Variants in TNFRSF1B observed in about 807,000 individuals in gnomAD.
TNFRSF1B encodes TNF receptor superfamily member 1B.
Under a neutral mutation model 44.6 loss-of-function variants are expected in TNFRSF1B, and 19 were observed. That is an observed-to-expected ratio of 0.43 (90% confidence interval 0.30 to 0.62). The LOEUF is 0.62. Among genes scored for constraint, TNFRSF1B ranks in the 20% least tolerant of loss-of-function variants. The pLI, the probability that TNFRSF1B is intolerant of heterozygous loss-of-function variation, is 0.16. For synonymous variants in TNFRSF1B, 252 were observed against 261.1 expected (o/e 0.97, Z 0.34); for missense variants, 541 against 619.9 (o/e 0.87, Z 1.35).
chr1:12,201,535 G>A (rs1326970953), intron 8 of TNFRSF1B, among the ~76,000 whole-genome samples: 2 of 151,908 alleles, frequency 1.3e-5, no homozygotes, highest in Non-Finnish European at 2.9e-5. Context: ...GCAAGTGAGT[G>A]GTAGAGTCAT....
rs1638443169 is a variant in TNFRSF1B, at chr1:12,168,427, G to A, written c.78+1258G>A. Among the ~76,000 whole-genome samples, 1 of 152,190 alleles carries A rather than the reference G, an allele frequency of 6.6e-6. No homozygotes were observed. Among genetic ancestry groups the A allele is most frequent in the South Asian group, 2.1e-4 (1 of 4,834 alleles). On this transcript the variant is annotated intron_variant, in intron 1 of 9. Transcript: ENST00000376259. This position sits in a 1 kb window ranked among gnomAD's most constrained non-coding sequence, Gnocchi z 4.7. ...GTCCTGGAGAACTGCCCCAGAGTAA[G>A]TCCTGGGTGGCCTTTGGGTCAGGAG...
intron 1 of TNFRSF1B, among the ~76,000 whole-genome samples, chr1:12,181,846 C>T (rs1323244450): frequency 6.6e-6 from 1 of 152,216 alleles, no homozygotes; most frequent in Non-Finnish European, 1.5e-5. Context: ...TGTTTCTCCA[C>T]CTCTCATGTG....
intron 8 of TNFRSF1B, among the ~76,000 whole-genome samples, chr1:12,194,824 G>A (rs1639231375): frequency 6.6e-6 from 1 of 152,242 alleles, no homozygotes; most frequent in South Asian, 2.1e-4. Flanking sequence ...CTCCGGCAGA[G>A]AGCAGATGCC....
rs531563716 is a variant in TNFRSF1B, at chr1:12,202,308, C to T, written c.1105+137C>T. The stretch of plus-strand genomic sequence containing the variant: ...GAGCCACAGGGAACTTCCTTCGGTT[C>T]GCTGAACCTAAGTTCCCTCCCGCCT... On this transcript the variant is annotated intron_variant, in intron 9 of 9. Coordinates refer to ENST00000376259, the MANE Select transcript of TNFRSF1B (RefSeq NM_001066.3). 38 of 1,362,240 alleles carry T rather than the reference C, an allele frequency of 2.8e-5. No individual in the cohort carries two copies. In the South Asian group the frequency reaches 4.0e-4, roughly 14 times the overall value. 84.4% of individuals were successfully genotyped at this position (1,362,240 alleles called of 1,614,324 possible).
intron 4 of TNFRSF1B, 135 bp downstream of exon 4, chr1:12,192,058 C>T: frequency 1.6e-6 from 2 of 1,225,806 alleles, no homozygotes; most frequent in South Asian, 3.0e-5. Flanking sequence ...TGCCTGCTAC[C>T]CATCCGTCTG....
At chr1:12,205,136 T>C (rs12027816) in intron 9 of TNFRSF1B, among the ~76,000 whole-genome samples, 2 of 151,524 alleles carry the variant, frequency 1.3e-5, no homozygotes, top group East Asian at 3.9e-4. Context: ...GAGTGGTGGA[T>C]AGGATGGGAA....
chr1:12,185,251 G>C (rs777079518), intron 1 of TNFRSF1B, among the ~76,000 whole-genome samples: 1 of 152,210 alleles, frequency 6.6e-6, no homozygotes, highest in Non-Finnish European at 1.5e-5. Context: ...CCAGGAGGCC[G>C]GATGATCAGA....
chr1:12,198,603 C>T (rs923037678), intron 8 of TNFRSF1B, among the ~76,000 whole-genome samples: 3 of 151,336 alleles, frequency 2.0e-5, no homozygotes. Context: ...CGTGGCTCTG[C>T]TGGGTCTCTG....
In TNFRSF1B at chr1:12,183,732, T is replaced by C. The variant is rs866541105; in HGVS notation, c.79-5064T>C. On this transcript the variant is annotated intron_variant, in intron 1 of 9. Transcript: ENST00000376259. ...TCTATTCTATCTACCTATCTATCTA[T>C]CTATCTATCTATCTATCTAGCTAGC... Among the ~76,000 whole-genome samples the C allele has an allele frequency of 4.3e-3, 529 of 122,524 alleles. 4 individuals are homozygous for C. The highest frequency in any genetic ancestry group is 8.8e-3 in the Middle Eastern group (2 of 228). 80.4% of individuals were successfully genotyped at this position (122,524 alleles called of 152,430 possible).
rs1639551793 is a variant in TNFRSF1B, at chr1:12,208,041, C to T, written c.*1021C>T. 6.6e-6 allele frequency: 1 copy of T among 152,230 alleles called. No individual in the cohort carries two copies. Among genetic ancestry groups the T allele is most frequent in the South Asian group, 2.1e-4 (1 of 4,832 alleles). The allele number at this position is 152,230 out of a possible 1,614,324, so 9.4% of individuals were successfully genotyped here. Reference sequence around the variant, plus strand: ...GTGGCCTGGGCAAGATAACGCACTTCTAACTAGAAATCTGCCAATTTTTTA... The same window carrying T: ...GTGGCCTGGGCAAGATAACGCACTTTTAACTAGAAATCTGCCAATTTTTTA... On this transcript the variant is annotated 3_prime_UTR_variant, in exon 10 of 10. Coordinates refer to ENST00000376259, the MANE Select transcript of TNFRSF1B (RefSeq NM_001066.3).
intron 8 of TNFRSF1B, among the ~76,000 whole-genome samples, chr1:12,201,626 T>TCTCCCTGTGCAGTA (rs1372252615): frequency 1.3e-5 from 2 of 152,068 alleles, no homozygotes; most frequent in Admixed American, 1.3e-4. Flanking sequence ...GCAGATGGGG[T>TCTCCCTGTGCAGTA]GAAGGAAAGC....
chr1:12,202,974 T>G (rs1375575260), intron 9 of TNFRSF1B, among the ~76,000 whole-genome samples: 3 of 152,228 alleles, frequency 2.0e-5, no homozygotes, highest in African/African-American at 7.2e-5. Flanking sequence ...CTGTGGGGAT[T>G]GTGTCCCATT....
chr1:12,183,808 A>G (rs1638908312), intron 1 of TNFRSF1B, among the ~76,000 whole-genome samples: 1 of 140,848 alleles, frequency 7.1e-6, no homozygotes, highest in Non-Finnish European at 1.6e-5. Context: ...CTATCTAGCT[A>G]TCTATCTATT....
rs372809836 is a variant in TNFRSF1B, at chr1:12,191,755, C to T, written c.308-19C>T. On this transcript the variant is annotated intron_variant, in intron 3 of 9. Coordinates refer to ENST00000376259, the MANE Select transcript of TNFRSF1B (RefSeq NM_001066.3). The stretch of plus-strand genomic sequence containing the variant: ...GGCGGAGGCAGGCGTGACCGTTTGC[C>T]GCCCTCTCGCTGCTCTAGACCAGGT... The T allele has an allele frequency of 4.5e-5, 72 of 1,612,514 alleles. No homozygotes were observed. Among genetic ancestry groups the T allele is most frequent in the Admixed American group, 3.3e-5 (2 of 59,910 alleles).
At chr1:12,173,416 G>T (rs536595466) in intron 1 of TNFRSF1B, among the ~76,000 whole-genome samples, 1 of 152,232 alleles carries the variant, frequency 6.6e-6, no homozygotes, top group South Asian at 2.1e-4. Context: ...CCTGACTCAG[G>T]CTCCAGGGCC....
At chr1:12,192,792 C>T (rs964618029) in intron 5 of TNFRSF1B, 71 bp from the exon 6 acceptor site, 17 of 1,349,918 alleles carry the variant, frequency 1.3e-5, no homozygotes, top group South Asian at 1.2e-4. Context: ...TGCTGGGGCC[C>T]GTGAATGAGC....
At chr1:12,205,619 CTTTTGTTTTT>C (rs1016377792) in intron 9 of TNFRSF1B, among the ~76,000 whole-genome samples, 11 of 152,164 alleles carry the variant, frequency 7.2e-5, no homozygotes, top group Non-Finnish European at 1.5e-4. Flanking sequence ...CAGAAGTCAT[CTTTTGTTTTT>C]GTTTGTTTTT....
At chr1:12,196,964 T>TC (rs1639280573) in intron 8 of TNFRSF1B, among the ~76,000 whole-genome samples, 1 of 151,870 alleles carries the variant, frequency 6.6e-6, no homozygotes, top group African/African-American at 2.4e-5. Context: ...TCTTTCTTTT[T>TC]TTTTTTTTGA....
intron 9 of TNFRSF1B, among the ~76,000 whole-genome samples, chr1:12,206,095 G>A (rs1016846097): frequency 9.2e-5 from 14 of 152,136 alleles, no homozygotes; most frequent in African/African-American, 3.4e-4. Context: ...AGAATCAAGA[G>A]TTAAGTTGGA....
Sources: allele counts gnomAD v4.1 joint callset (sites outside exome capture counted in the v4.1 genomes callset), GRCh38; gene constraint gnomAD v4.1.1; non-coding constraint Gnocchi (gnomAD v3.1); transcripts MANE v1.5; gene names NCBI Gene and HGNC (gene_info 2026-07-23, HGNC 2026-07-21).